FAM149B1: variants seen among roughly 807,000 people sequenced by gnomAD.
FAM149B1 encodes family with sequence similarity 149 member B1, also known as primary cilium assembly protein FAM149B1.
A neutral mutation model predicts 75.3 loss-of-function variants in FAM149B1; 56 were observed. That is an observed-to-expected ratio of 0.74 (90% CI 0.60 to 0.93). The LOEUF (loss-of-function observed/expected upper bound fraction) is 0.93. Among genes scored for constraint, FAM149B1 ranks in the 40% least tolerant of loss-of-function variants. The probability of loss-of-function intolerance (pLI) is 0.00; values close to 1 mark genes in which losing one functional copy is unlikely to be tolerated. For missense variants in FAM149B1, 639 were observed against 708.4 expected (o/e 0.90, Z 1.11); for synonymous variants, 259 against 256.1 (o/e 1.01, Z -0.11).
chr10:73,225,542 T>C (rs567290428), intron 7 of FAM149B1, among the ~76,000 whole-genome samples: 2 of 152,312 alleles, frequency 1.3e-5, no homozygotes, highest in South Asian at 2.1e-4. Context: ...TAAGCTGTTA[T>C]TTCAAAAGGA....
chr10:73,232,714 G>A (rs1447769048), intron 9 of FAM149B1, among the ~76,000 whole-genome samples: 1 of 152,192 alleles, frequency 6.6e-6, no homozygotes, highest in Non-Finnish European at 1.5e-5. Context: ...GTCCATTCTA[G>A]TAAATTATGT....
intron 3 of FAM149B1, among the ~76,000 whole-genome samples, chr10:73,188,569 A>G (rs1011872174): frequency 1.3e-5 from 2 of 152,084 alleles, no homozygotes; most frequent in African/African-American, 2.4e-5. Context: ...AAAAATACAA[A>G]AAATTAGCCA....
intron 2 of FAM149B1, 45 bp from the exon 3 acceptor site, chr10:73,177,801 G>A (rs1189398782): frequency 1.3e-6 from 2 of 1,543,004 alleles, no homozygotes; most frequent in Non-Finnish European, 1.8e-6. Flanking sequence ...GAGGACATAT[G>A]AAAAATTTTC....
intron 7 of FAM149B1, among the ~76,000 whole-genome samples, chr10:73,227,267 T>C (rs2043573745): frequency 6.6e-6 from 1 of 152,050 alleles, no homozygotes; most frequent in African/African-American, 2.4e-5. Flanking sequence ...TTAATTTTTT[T>C]TGTAGAGATG....
intron 3 of FAM149B1, among the ~76,000 whole-genome samples, chr10:73,179,579 A>ATT (rs1438612892): frequency 7.3e-6 from 1 of 136,736 alleles, no homozygotes; most frequent in Non-Finnish European, 1.6e-5. Flanking sequence ...ACACCCTGCT[A>ATT]TTTTTTTTTT....
At chr10:73,174,412 T>G (rs1221843972) in intron 1 of FAM149B1, among the ~76,000 whole-genome samples, 1 of 152,108 alleles carries the variant, frequency 6.6e-6, no homozygotes, top group Non-Finnish European at 1.5e-5. Flanking sequence ...ACATTAATTT[T>G]AAGAATATAT....
chr10:73,240,885 A>T lies in FAM149B1; in HGVS notation c.1676-61A>T, dbSNP rs2043934542. 8 of 1,006,224 alleles carry T rather than the reference A, an allele frequency of 8.0e-6. No homozygotes were observed. The East Asian group carries it at 2.1e-4, about 27-fold the overall frequency. 62.3% of individuals were successfully genotyped at this position (1,006,224 alleles called of 1,614,324 possible). On this transcript the variant is annotated intron_variant, in intron 13 of 13. Coordinates refer to ENST00000242505, the MANE Select transcript of FAM149B1 (RefSeq NM_173348.2). ...TGGAGCAAAAAAGCCCTTAGCTATAAACTTGAGAGTGATTATCAAACCTAG... is the reference window on the plus strand; with the variant it reads ...TGGAGCAAAAAAGCCCTTAGCTATATACTTGAGAGTGATTATCAAACCTAG...
At chr10:73,232,904 T>A in intron 9 of FAM149B1, 35 bp from the exon 10 acceptor site, 1 of 1,256,396 alleles carries the variant, frequency 8.0e-7, no homozygotes, top group South Asian at 1.3e-5. Context: ...CATACTGATC[T>A]TTACTTCATT....
intron 6 of FAM149B1, 137 bp downstream of exon 6, chr10:73,208,923 G>C (rs1162807913): frequency 9.2e-6 from 5 of 544,678 alleles, no homozygotes; most frequent in Non-Finnish European, 5.6e-6. Flanking sequence ...TATTTCTCAG[G>C]TATCCAGAAT....
intron 10 of FAM149B1, among the ~76,000 whole-genome samples, chr10:73,233,820 A>T (rs1346430529): frequency 6.6e-6 from 1 of 152,150 alleles, no homozygotes; most frequent in African/African-American, 2.4e-5. Context: ...AGTGAAATTC[A>T]CTCCAAAATA....
chr10:73,215,099 G>C (rs1227556790), intron 7 of FAM149B1, among the ~76,000 whole-genome samples: 1 of 151,924 alleles, frequency 6.6e-6, no homozygotes, highest in Admixed American at 6.6e-5. Flanking sequence ...TGCAGCCTCT[G>C]CGCCTCTGCC....
chr10:73,210,319 T>C lies in FAM149B1; in HGVS notation c.779T>C (p.Ile260Thr). The change falls in exon 7 of 14, where the codon ATT (isoleucine) becomes ACT (threonine). Residue 260 changes from isoleucine to threonine, a missense_variant. By Grantham distance (89) the Ile-to-Thr change is moderately conservative. Transcript: ENST00000242505. ...AAACAGAAATTAGGGTATCCTCCCA[T>C]TGCTCCATTTTACTGCATGAAAGAA... ...TEKQKLGYPP[I>T]APFYCMKEDV... 1 of 1,551,010 alleles carries C rather than the reference T, an allele frequency of 6.4e-7. No homozygotes were observed. Among genetic ancestry groups the C allele is most frequent in the Non-Finnish European group, 8.7e-7 (1 of 1,146,228 alleles).
intron 1 of FAM149B1, among the ~76,000 whole-genome samples, chr10:73,172,483 T>G (rs1438179639): frequency 6.6e-6 from 1 of 152,222 alleles, no homozygotes; most frequent in Non-Finnish European, 1.5e-5. Flanking sequence ...TGCCTTAGTT[T>G]CCTTTGAAAT....
intron 12 of FAM149B1, 129 bp downstream of exon 12, chr10:73,235,447 T>C (rs1441709299): frequency 3.4e-6 from 5 of 1,456,690 alleles, no homozygotes; most frequent in Non-Finnish European, 4.5e-6. Flanking sequence ...TTTCCAACAA[T>C]AAAAAGTGTT....
intron 7 of FAM149B1, among the ~76,000 whole-genome samples, chr10:73,219,509 A>G (rs1463820228): frequency 1.3e-5 from 2 of 152,230 alleles, no homozygotes; most frequent in Non-Finnish European, 2.9e-5. Flanking sequence ...AAAAGTTACT[A>G]CAAAACTGCA....
chr10:73,207,080 G>A (rs1286156113), intron 5 of FAM149B1, among the ~76,000 whole-genome samples: 1 of 152,180 alleles, frequency 6.6e-6, no homozygotes, highest in East Asian at 1.9e-4. Flanking sequence ...GGGTGCCCAG[G>A]CAGAAGCCTG....
At chr10:73,213,900 CTGAT>C (rs1383184003) in intron 7 of FAM149B1, among the ~76,000 whole-genome samples, 4 of 151,978 alleles carry the variant, frequency 2.6e-5, no homozygotes, top group Non-Finnish European at 5.9e-5. Context: ...AATCTGTAGA[CTGAT>C]TGATCTGTAT....
intron 3 of FAM149B1, among the ~76,000 whole-genome samples, chr10:73,183,118 A>G (rs186356704): frequency 1.3e-5 from 2 of 152,232 alleles, no homozygotes; most frequent in Non-Finnish European, 2.9e-5. Context: ...AGCAGAGACG[A>G]GAGTTCAGGG....
At chr10:73,169,544 A>G (rs1843615250) in intron 1 of FAM149B1, among the ~76,000 whole-genome samples, 1 of 149,606 alleles carries the variant, frequency 6.7e-6, no homozygotes, top group Admixed American at 6.7e-5. Context: ...TGCAGCCTCC[A>G]CCTATGGGCT....
Sources: gnomAD v4.1 joint callset for allele counts (sites outside exome capture counted in the v4.1 genomes callset) on GRCh38, gnomAD v4.1.1 for gene constraint, MANE v1.5 for transcripts, NCBI Gene and HGNC (gene_info 2026-07-23, HGNC 2026-07-21) for gene names.